The following AFAP1L2 variants were observed in gnomAD, a reference collection of about 807,000 sequenced individuals.
The protein encoded by AFAP1L2 is actin filament-associated protein 1-like 2.
AFAP1L2 carries 46 observed loss-of-function variants against 99.3 expected under a neutral mutation model. That is an observed-to-expected ratio of 0.46 (90% CI 0.37 to 0.59). The LOEUF (loss-of-function observed/expected upper bound fraction) is 0.59, where lower values mean the gene tolerates loss of function less well. AFAP1L2 is among the 20% of genes least tolerant of loss of function. The pLI is 0.00. For missense variants in AFAP1L2, 959 were observed against 1,034.9 expected, an observed-to-expected ratio of 0.93 and a Z score of 1.01; for synonymous variants, 397 against 419.1, an observed-to-expected ratio of 0.95 and a Z score of 0.64.
At chr10:114,391,145 A>C (rs146673854) in intron 1 of AFAP1L2, among the ~76,000 whole-genome samples, 5 of 152,298 alleles carry the variant, frequency 3.3e-5, no homozygotes, top group African/African-American at 1.2e-4. Context: ...CAGAGCCCTT[A>C]ACTTTGATGT....
At chr10:114,382,718 C>T (rs1295670621) in intron 1 of AFAP1L2, among the ~76,000 whole-genome samples, 2 of 151,566 alleles carry the variant, frequency 1.3e-5, no homozygotes, top group African/African-American at 4.9e-5. Context: ...GCCTCAGCCT[C>T]CCTAGTAGCT....
chr10:114,387,970 T>A (rs2056709937), intron 1 of AFAP1L2, among the ~76,000 whole-genome samples: 1 of 152,186 alleles, frequency 6.6e-6, no homozygotes, highest in African/African-American at 2.4e-5. Context: ...GCATCCTTCA[T>A]GTCCTCTCTC....
At chr10:114,346,058 G>C (rs2049513989) in intron 1 of AFAP1L2, among the ~76,000 whole-genome samples, 1 of 152,226 alleles carries the variant, frequency 6.6e-6, no homozygotes, top group Non-Finnish European at 1.5e-5. Context: ...CTTGGGTGCT[G>C]TCTGCTGAGG....
intron 1 of AFAP1L2, among the ~76,000 whole-genome samples, chr10:114,382,588 CT>C (rs1554956154): frequency 4.3e-5 from 4 of 93,294 alleles, no homozygotes; most frequent in African/African-American, 1.6e-4. Context: ...TATTTCTTCT[CT>C]TTTTTTTTTT....
intron 1 of AFAP1L2, among the ~76,000 whole-genome samples, chr10:114,354,125 G>A (rs1376364318): frequency 3.3e-5 from 5 of 152,122 alleles, no homozygotes; most frequent in African/African-American, 1.2e-4. Context: ...AGAACCTAGA[G>A]GCCAAAATAG....
intron 1 of AFAP1L2, among the ~76,000 whole-genome samples, chr10:114,403,337 G>A (rs1475002211): frequency 2.6e-5 from 4 of 152,186 alleles, no homozygotes; most frequent in African/African-American, 7.2e-5. Context: ...TGAAAGACAA[G>A]ACTACTTTAG....
intron 1 of AFAP1L2, among the ~76,000 whole-genome samples, chr10:114,364,335 C>T (rs1321566181): frequency 1.3e-5 from 2 of 152,166 alleles, no homozygotes; most frequent in Admixed American, 6.5e-5. Flanking sequence ...TTTATTCTCT[C>T]GCGGTTCTGG....
Position 114,295,194 on chromosome 10 carries a change from C to T in AFAP1L2, c.*848G>A. 1 of 985,680 alleles carries T rather than the reference C, an allele frequency of 1.0e-6. No homozygotes were observed. The allele number at this position is 985,680 out of a possible 1,614,324, so 61.1% of individuals were successfully genotyped here. A position where few individuals can be genotyped will look rare whatever the true frequency, so the allele number is the denominator to read the frequency against. On this transcript the variant is annotated 3_prime_UTR_variant, in exon 19 of 19. Transcript: ENST00000304129. ...ACTATTTATATTAAATAACTCTTCC[C>T]TTAAAAATGGCCTGACCACAGCAAT...
chr10:114,287,103 C>A, the AFAP1L2 span, among the ~76,000 whole-genome samples: 1 of 152,154 alleles, frequency 6.6e-6, no homozygotes, highest in Admixed American at 6.5e-5. Context: ...TTTTTATGAC[C>A]CCTATTGGAA....
intron 1 of AFAP1L2, among the ~76,000 whole-genome samples, chr10:114,354,822 G>A (rs1395675049): frequency 6.6e-6 from 1 of 152,192 alleles, no homozygotes; most frequent in South Asian, 2.1e-4. Flanking sequence ...GTCCAGCCAT[G>A]CCTGAAGCTA....
intron 10 of AFAP1L2, among the ~76,000 whole-genome samples, chr10:114,305,459 G>GGC (rs2042074871): frequency 2.6e-5 from 2 of 77,278 alleles, no homozygotes; most frequent in Non-Finnish European, 2.3e-5. Context: ...GGGGACGCAG[G>GGC]TGCAGGAGGG....
At chr10:114,306,842 G>C (rs1021812215) in intron 10 of AFAP1L2, among the ~76,000 whole-genome samples, 1 of 152,132 alleles carries the variant, frequency 6.6e-6, no homozygotes, top group African/African-American at 2.4e-5. Context: ...CACAGGGACT[G>C]AGCTCCCAGG....
the AFAP1L2 span, chr10:114,289,003 A>C: frequency 6.2e-7 from 1 of 1,614,070 alleles, no homozygotes; most frequent in Non-Finnish European, 8.5e-7. Context: ...AGGGCCCGAG[A>C]ATTTTGCTCA....
intron 1 of AFAP1L2, among the ~76,000 whole-genome samples, chr10:114,395,187 T>C (rs755676359): frequency 1.3e-5 from 2 of 152,290 alleles, no homozygotes; most frequent in East Asian, 3.9e-4. Context: ...CTGTTAACTG[T>C]AGTACCTAAT....
intron 7 of AFAP1L2, among the ~76,000 whole-genome samples, chr10:114,312,553 C>T (rs1248042534): frequency 1.4e-5 from 2 of 147,940 alleles, no homozygotes; most frequent in Admixed American, 1.3e-4. Flanking sequence ...CCAAGTTTCA[C>T]GGAGCACTCA....
intron 1 of AFAP1L2, among the ~76,000 whole-genome samples, chr10:114,350,267 C>T (rs952181338): frequency 1.3e-4 from 20 of 152,220 alleles, no homozygotes; most frequent in Non-Finnish European, 1.5e-5. Context: ...TGCCCAGAAG[C>T]ACTACCTGTC....
At chr10:114,284,316 C>A in the AFAP1L2 span, among the ~76,000 whole-genome samples, 2 of 152,192 alleles carry the variant, frequency 1.3e-5, no homozygotes, top group Non-Finnish European at 2.9e-5. Flanking sequence ...TTAATCCTCA[C>A]AATAACCCCA....
At chr10:114,294,048 T>A (rs1250855481), downstream of AFAP1L2, among the ~76,000 whole-genome samples, 1 of 152,212 alleles carries the variant, frequency 6.6e-6, no homozygotes, top group Non-Finnish European at 1.5e-5. Context: ...AGATAATGCA[T>A]TTTTTGTATT....
At chr10:114,301,251 A>T in intron 13 of AFAP1L2, 103 bp downstream of exon 13, 1 of 950,854 alleles carries the variant, frequency 1.1e-6, no homozygotes, top group African/African-American at 1.6e-5. Context: ...GAACCCACTC[A>T]TCTCATCTCA....
Sources: gnomAD v4.1 joint callset for allele counts (sites outside exome capture counted in the v4.1 genomes callset) on GRCh38, gnomAD v4.1.1 for gene constraint, MANE v1.5 for transcripts, NCBI Gene and HGNC (gene_info 2026-07-23, HGNC 2026-07-21) for gene names.